Variants in GRIN2A observed in about 807,000 individuals in gnomAD.
The protein encoded by GRIN2A is glutamate receptor ionotropic, NMDA 2A.
In GRIN2A, 22 loss-of-function variants were observed where a neutral mutation model predicts 113.4. That is an observed-to-expected ratio of 0.19 (90% CI 0.14 to 0.28). The LOEUF is 0.28. Ranked by LOEUF, GRIN2A falls within the 10% of genes least tolerant of loss-of-function variation. The pLI is 1.00. For missense variants in GRIN2A, 1,502 were observed against 1,887.0 expected, an observed-to-expected ratio of 0.80 and a Z score of 3.78; for synonymous variants, 827 against 738.4, an observed-to-expected ratio of 1.12 and a Z score of -1.94.
rs140211467 is a variant in GRIN2A, at chr16:10,090,394, A to G, written c.414+89604T>C. The stretch of plus-strand genomic sequence containing the variant: ...TTAGAAATAAGCTCTGACACTGTCA[A>G]TTGATTTTTGACAAACATGACAGGA... On this transcript the variant is annotated intron_variant, in intron 2 of 12. Transcript: ENST00000330684. Among the ~76,000 whole-genome samples, 392 of 152,332 alleles carry G rather than the reference A, an allele frequency of 2.6e-3. 16 individuals carry two copies. In the East Asian group the frequency reaches 0.056, roughly 22 times the overall value.
At chr16:10,077,471 C>G (rs988059147) in intron 2 of GRIN2A, among the ~76,000 whole-genome samples, 6 of 152,180 alleles carry the variant, frequency 3.9e-5, no homozygotes, top group Non-Finnish European at 7.3e-5. Flanking sequence ...CTCACCACTG[C>G]CACTACAAGT....
intron 7 of GRIN2A, 72 bp downstream of exon 7, chr16:9,840,575 C>G: frequency 1.4e-6 from 2 of 1,391,126 alleles, no homozygotes; most frequent in Non-Finnish European, 2.0e-6. Context: ...CTTTCTGGTC[C>G]CATCCTCTGA....
At chr16:10,132,029 G>A (rs1363441271) in intron 2 of GRIN2A, among the ~76,000 whole-genome samples, 1 of 152,058 alleles carries the variant, frequency 6.6e-6, no homozygotes, top group African/African-American at 2.4e-5. Context: ...TAAGGAAACT[G>A]AGGTTCAGAG....
At chr16:9,981,059 A>T (rs1377225809) in intron 2 of GRIN2A, among the ~76,000 whole-genome samples, 1 of 151,778 alleles carries the variant, frequency 6.6e-6, no homozygotes, top group Non-Finnish European at 1.5e-5. Context: ...AGAGAGAGAG[A>T]ATAGTTTCAC....
At chr16:9,971,907 G>A (rs888802971) in intron 2 of GRIN2A, among the ~76,000 whole-genome samples, 1 of 152,180 alleles carries the variant, frequency 6.6e-6, no homozygotes, top group East Asian at 1.9e-4. Context: ...TCATCATAGA[G>A]TTCTACATTT....
intron 2 of GRIN2A, among the ~76,000 whole-genome samples, chr16:10,085,378 A>T (rs2048066888): frequency 6.6e-6 from 1 of 152,222 alleles, no homozygotes. Context: ...GGGCACGCAA[A>T]TGCACAGTAA....
intron 2 of GRIN2A, among the ~76,000 whole-genome samples, chr16:10,103,485 T>C (rs1034642708): frequency 6.6e-6 from 1 of 152,204 alleles, no homozygotes; most frequent in African/African-American, 2.4e-5. Flanking sequence ...TCAAGGGTAT[T>C]ACTAACCCCC....
chr16:9,863,020 GTT>G (rs2043097242), intron 4 of GRIN2A, among the ~76,000 whole-genome samples: 2 of 152,098 alleles, frequency 1.3e-5, no homozygotes, highest in East Asian at 3.8e-4. Flanking sequence ...TATTAGACTC[GTT>G]TTGTATGTTG....
chr16:10,078,521 A>G (rs989022953), intron 2 of GRIN2A, among the ~76,000 whole-genome samples: 3 of 152,024 alleles, frequency 2.0e-5, no homozygotes, highest in African/African-American at 7.2e-5. Flanking sequence ...AGGGAAGGAG[A>G]TAAGAGCAAT....
chr16:9,798,193 G>T, intron 11 of GRIN2A, 84 bp downstream of exon 11: 2 of 1,069,242 alleles, frequency 1.9e-6, no homozygotes, highest in Non-Finnish European at 2.9e-6. Context: ...ATCATGCAAA[G>T]ATCCACTGGG....
At chr16:9,891,310 A>C (rs2043691038) in intron 3 of GRIN2A, among the ~76,000 whole-genome samples, 1 of 152,186 alleles carries the variant, frequency 6.6e-6, no homozygotes, top group Non-Finnish European at 1.5e-5. Flanking sequence ...TAACACGTGG[A>C]ATGTAAGCTT....
chr16:9,959,135 T>C (rs961306335), intron 2 of GRIN2A, among the ~76,000 whole-genome samples: 4 of 152,172 alleles, frequency 2.6e-5, no homozygotes, highest in Admixed American at 6.5e-5. Flanking sequence ...ATATTTGGTT[T>C]TCAGTGTTAC....
chr16:10,141,472 A>G (rs1186599576), intron 2 of GRIN2A, among the ~76,000 whole-genome samples: 1 of 152,172 alleles, frequency 6.6e-6, no homozygotes, highest in Non-Finnish European at 1.5e-5. Flanking sequence ...TGGGCAACAG[A>G]GCGAGACTCC....
chr16:9,780,755 A>G (rs1333231035), intron 11 of GRIN2A, among the ~76,000 whole-genome samples: 2 of 152,256 alleles, frequency 1.3e-5, no homozygotes, highest in African/African-American at 4.8e-5. Context: ...TACAGGTATA[A>G]GTGTTCTTTT....
At chr16:9,934,680 A>AAAAC (rs2044671029) in intron 3 of GRIN2A, among the ~76,000 whole-genome samples, 1 of 139,080 alleles carries the variant, frequency 7.2e-6, no homozygotes, top group Non-Finnish European at 1.5e-5. Flanking sequence ...ACTCTGTCTA[A>AAAAC]AAAAAAAAAA....
intron 4 of GRIN2A, among the ~76,000 whole-genome samples, chr16:9,879,754 A>C (rs2043440920): frequency 2.0e-5 from 3 of 152,200 alleles, no homozygotes; most frequent in African/African-American, 7.2e-5. Flanking sequence ...CATTTGCAAA[A>C]GAGGGTAATA....
At position 9,758,806 on chromosome 16, in the gene GRIN2A, A is replaced by G. The variant is rs1900461040; in HGVS notation, c.*4343T>C. 9.3e-6 allele frequency: 2 copies of G among 214,238 alleles called. No individual in the cohort carries two copies. Among genetic ancestry groups the G allele is most frequent in the African/African-American group, 4.5e-5 (2 of 44,332 alleles). 13.3% of individuals were successfully genotyped at this position (214,238 alleles called of 1,614,324 possible). A position where few individuals can be genotyped will look rare whatever the true frequency, so the allele number is the denominator to read the frequency against. ...GGAGAACTTTTCAAGTATAGACCCCACAGCACTTTCAACCCTGTTCACCAA... is the reference window on the plus strand; with the variant it reads ...GGAGAACTTTTCAAGTATAGACCCCGCAGCACTTTCAACCCTGTTCACCAA... On this transcript the variant is annotated 3_prime_UTR_variant, in exon 13 of 13. Transcript: ENST00000330684.
rs1447593462 is a variant in GRIN2A at position 9,829,394 on chromosome 16, A to C, written c.2007+29T>G. On this transcript the variant is annotated intron_variant, in intron 9 of 12. Transcript: ENST00000330684. ...AGGAGAGCAGTTAAGACCAACCCTCAGATGGAGAGGAAAGCAAGGTGACCT... is the reference window on the plus strand; with the variant it reads ...AGGAGAGCAGTTAAGACCAACCCTCCGATGGAGAGGAAAGCAAGGTGACCT... 3 of 1,444,402 alleles carry C rather than the reference A, an allele frequency of 2.1e-6. No homozygotes were observed. In the South Asian group the frequency reaches 3.4e-5, roughly 16 times the overall value. The allele number at this position is 1,444,402 out of a possible 1,614,324, so 89.5% of individuals were successfully genotyped here.
intron 2 of GRIN2A, among the ~76,000 whole-genome samples, chr16:10,070,728 T>G (rs56148698): frequency 0.043 from 6,623 of 152,254 alleles, 506 homozygotes; most frequent in African/African-American, 0.15. Flanking sequence ...TGGGCTGCCT[T>G]TTTCAGGTTT....
Sources: gnomAD v4.1 joint callset for allele counts (sites outside exome capture counted in the v4.1 genomes callset) on GRCh38, gnomAD v4.1.1 for gene constraint, MANE v1.5 for transcripts, NCBI Gene and HGNC (gene_info 2026-07-23, HGNC 2026-07-21) for gene names.